Variants in TRIM49 observed in about 807,000 individuals in gnomAD.
The protein encoded by TRIM49 is tripartite motif-containing protein 49.
Under a neutral mutation model 27.4 loss-of-function variants are expected in TRIM49, and 5 were observed. The observed-to-expected ratio is 0.18, with a 90% CI of 0.10 to 0.38. TRIM49 has a LOEUF of 0.38. Among genes scored for constraint, TRIM49 ranks in the 10% least tolerant of loss-of-function variants. The pLI is 1.00. For synonymous variants in TRIM49, 69 were observed against 166.0 expected, an observed-to-expected ratio of 0.42 and a Z score of 4.49; for missense variants, 188 against 487.5, an observed-to-expected ratio of 0.39 and a Z score of 5.79.
At chr11:89,790,816 A>C in the TRIM49 span, among the ~76,000 whole-genome samples, 1 of 152,034 alleles carries the variant, frequency 6.6e-6, no homozygotes, top group South Asian at 2.1e-4. Flanking sequence ...GAGCAGAAAA[A>C]CTGAAAATTC....
chr11:89,793,321 C>A (rs1254247903), downstream of TRIM49, among the ~76,000 whole-genome samples: 1 of 152,136 alleles, frequency 6.6e-6, no homozygotes, highest in Non-Finnish European at 1.5e-5. Flanking sequence ...GGAGCTGGTA[C>A]CATTCCTTCT....
chr11:89,770,718 T>G, the TRIM49 span, among the ~76,000 whole-genome samples: 5 of 140,480 alleles, frequency 3.6e-5, no homozygotes, highest in South Asian at 2.2e-4. Context: ...AAAAAAAAAT[T>G]AGCTGGGCGT....
At chr11:89,781,904 GA>G in the TRIM49 span, 2 of 1,469,476 alleles carry the variant, frequency 1.4e-6, no homozygotes, top group East Asian at 5.1e-5. Flanking sequence ...TCTGAGTACG[GA>G]AATGACTCCT....
chr11:89,795,867 C>T (rs1163961216), downstream of TRIM49, among the ~76,000 whole-genome samples: 5 of 150,210 alleles, frequency 3.3e-5, no homozygotes, highest in African/African-American at 1.2e-4. Context: ...CACATGTACC[C>T]TAGAACTTAA....
At chr11:89,796,052 T>C (rs1175253728), downstream of TRIM49, among the ~76,000 whole-genome samples, 22 of 151,820 alleles carry the variant, frequency 1.4e-4, no homozygotes, top group East Asian at 4.2e-3. Flanking sequence ...ACATTGGTAA[T>C]AAAGCACTTC....
the TRIM49 span, among the ~76,000 whole-genome samples, chr11:89,774,275 C>T: frequency 1.3e-5 from 2 of 151,140 alleles, no homozygotes; most frequent in Admixed American, 6.6e-5. Context: ...GCTGGGATTA[C>T]AGGCATGAGC....
At chr11:89,804,745 G>A (rs1317488558) in intron 2 of TRIM49, among the ~76,000 whole-genome samples, 8 of 151,222 alleles carry the variant, frequency 5.3e-5, no homozygotes, top group African/African-American at 7.4e-5. Flanking sequence ...CCCATTTTCT[G>A]AACATAGATC....
At chr11:89,797,413 C>G (rs1317380195), downstream of TRIM49, among the ~76,000 whole-genome samples, 1 of 149,380 alleles carries the variant, frequency 6.7e-6, no homozygotes, top group Non-Finnish European at 1.5e-5. Flanking sequence ...GTTAAGAAAT[C>G]CTTATGAGAA....
At chr11:89,800,501 T>C (rs1379671153) in intron 6 of TRIM49, among the ~76,000 whole-genome samples, 2 of 151,464 alleles carry the variant, frequency 1.3e-5, no homozygotes, top group Admixed American at 6.5e-5. Context: ...CCCAGCACTT[T>C]GGGAGGCCGA....
the TRIM49 span, among the ~76,000 whole-genome samples, chr11:89,790,886 G>A: frequency 1.5e-3 from 232 of 151,374 alleles, no homozygotes; most frequent in African/African-American, 4.2e-3. Context: ...GCAATGGAAC[G>A]AAGCTGGATG....
At chr11:89,770,152 C>T in the TRIM49 span, among the ~76,000 whole-genome samples, 1 of 110,182 alleles carries the variant, frequency 9.1e-6, no homozygotes, top group Non-Finnish European at 1.7e-5. Flanking sequence ...GGCAGCAGAG[C>T]ACTTGTCTCT....
chr11:89,800,275 T>C (rs1949724091), intron 6 of TRIM49, among the ~76,000 whole-genome samples: 1 of 151,616 alleles, frequency 6.6e-6, no homozygotes, highest in South Asian at 2.1e-4. Flanking sequence ...ACAGTTTTTT[T>C]CAATCTATTT....
the TRIM49 span, among the ~76,000 whole-genome samples, chr11:89,790,885 C>T: frequency 2.4e-4 from 37 of 152,274 alleles, no homozygotes; most frequent in African/African-American, 8.2e-4. Flanking sequence ...AGCAATGGAA[C>T]GAAGCTGGAT....
intron 2 of TRIM49, among the ~76,000 whole-genome samples, chr11:89,806,876 GCAAA>G (rs200749677): frequency 0.011 from 1,652 of 147,858 alleles, no homozygotes; most frequent in African/African-American, 0.039. Flanking sequence ...ATCTGTTGCA[GCAAA>G]CACTAGATAT....
downstream of TRIM49, among the ~76,000 whole-genome samples, chr11:89,792,778 C>T (rs1323592279): frequency 1.3e-5 from 2 of 151,978 alleles, no homozygotes; most frequent in Non-Finnish European, 2.9e-5. Context: ...ACTAAATGCC[C>T]ACAAGAGAAA....
chr11:89,768,561 C>T, the TRIM49 span, among the ~76,000 whole-genome samples: 19 of 135,708 alleles, frequency 1.4e-4, no homozygotes, highest in Non-Finnish European at 2.3e-4. Flanking sequence ...TGTATTCTAG[C>T]AACTTCTGCA....
intron 1 of TRIM49, among the ~76,000 whole-genome samples, chr11:89,807,845 C>CTTTA (rs1226619466): frequency 6.7e-6 from 1 of 148,392 alleles, no homozygotes; most frequent in African/African-American, 2.6e-5. Flanking sequence ...TTAAATGCTG[C>CTTTA]TTTAGTACAT....
chr11:89,794,388 T>A (rs1327813458), downstream of TRIM49, among the ~76,000 whole-genome samples: 1 of 144,654 alleles, frequency 6.9e-6, no homozygotes, highest in African/African-American at 2.5e-5. Context: ...AAAAAACTAC[T>A]TTAAAGTTCA....
intron 2 of TRIM49, among the ~76,000 whole-genome samples, chr11:89,806,361 A>G (rs1246152596): frequency 1.3e-5 from 2 of 149,698 alleles, no homozygotes; most frequent in African/African-American, 2.5e-5. Flanking sequence ...TGACTAATAT[A>G]AAAACTATAA....
Sources: gnomAD v4.1 joint callset for allele counts (sites outside exome capture counted in the v4.1 genomes callset) on GRCh38, gnomAD v4.1.1 for gene constraint, MANE v1.5 for transcripts, NCBI Gene and HGNC (gene_info 2026-07-23, HGNC 2026-07-21) for gene names.